TNFRSF19: variants seen among roughly 807,000 people sequenced by gnomAD.
TNFRSF19 encodes TNF receptor superfamily member 19.
A neutral mutation model predicts 46.4 loss-of-function variants in TNFRSF19; 27 were observed. That is an observed-to-expected ratio of 0.58 (90% CI 0.43 to 0.80). The LOEUF is 0.80. Among genes scored for constraint, TNFRSF19 ranks in the 30% least tolerant of loss-of-function variants. The pLI is 0.00. For synonymous variants in TNFRSF19, 204 were observed against 205.0 expected (o/e 1.00, Z 0.04); for missense variants, 511 against 530.8 (o/e 0.96, Z 0.37).
intron 4 of TNFRSF19, among the ~76,000 whole-genome samples, chr13:23,623,566 GCAGTATA>G (rs942656602): frequency 8.5e-5 from 13 of 152,172 alleles, no homozygotes; most frequent in Non-Finnish European, 1.6e-4. Flanking sequence ...TGTCCCGTCA[GCAGTATA>G]CAAGGGTTCC....
chr13:23,602,459 A>C (rs1003735388), intron 3 of TNFRSF19, among the ~76,000 whole-genome samples: 1 of 152,134 alleles, frequency 6.6e-6, no homozygotes, highest in Non-Finnish European at 1.5e-5. Flanking sequence ...CAGATTCAGC[A>C]GGCAGAAAGT....
At chr13:23,589,670 A>T (rs1327116529) in intron 1 of TNFRSF19, among the ~76,000 whole-genome samples, 1 of 152,242 alleles carries the variant, frequency 6.6e-6, no homozygotes, top group Non-Finnish European at 1.5e-5. Flanking sequence ...GGGAATAATG[A>T]TAGGATCTAC....
chr13:23,653,601 A>T (rs1043847778), intron 5 of TNFRSF19, among the ~76,000 whole-genome samples: 4 of 152,058 alleles, frequency 2.6e-5, no homozygotes, highest in Non-Finnish European at 5.9e-5. Context: ...AGCATTGTGG[A>T]CAGAGGCACT....
chr13:23,638,736 C>T (rs1566203650), intron 5 of TNFRSF19, among the ~76,000 whole-genome samples: 1 of 152,270 alleles, frequency 6.6e-6, no homozygotes, highest in African/African-American at 2.4e-5. Flanking sequence ...ATCCCTCTTA[C>T]TGCCTTAGTT....
intron 5 of TNFRSF19, among the ~76,000 whole-genome samples, chr13:23,630,566 A>G (rs1406307937): frequency 6.6e-6 from 1 of 152,144 alleles, no homozygotes; most frequent in Non-Finnish European, 1.5e-5. Context: ...CATGGAGCTC[A>G]GGGTTGATGA....
intron 5 of TNFRSF19, among the ~76,000 whole-genome samples, chr13:23,658,847 C>T (rs1055684267): frequency 6.6e-6 from 1 of 152,034 alleles, no homozygotes; most frequent in African/African-American, 2.4e-5. Flanking sequence ...AGAGGGACAC[C>T]CTGCACATTG....
intron 4 of TNFRSF19, among the ~76,000 whole-genome samples, chr13:23,617,479 G>T (rs904148383): frequency 2.0e-5 from 3 of 152,306 alleles, no homozygotes; most frequent in Non-Finnish European, 2.9e-5. Context: ...CAAGGGGGGT[G>T]ATCTGTAAGG....
At chr13:23,594,758 C>G (rs2138192659) in intron 3 of TNFRSF19, among the ~76,000 whole-genome samples, 1 of 152,354 alleles carries the variant, frequency 6.6e-6, no homozygotes, top group East Asian at 1.9e-4. Context: ...AGCACTCGAG[C>G]TCTGCTAAGG....
chr13:23,625,494 A>G (rs1566193999), intron 4 of TNFRSF19, among the ~76,000 whole-genome samples: 1 of 151,410 alleles, frequency 6.6e-6, no homozygotes, highest in African/African-American at 2.4e-5. Flanking sequence ...ACGCCCAGCT[A>G]TTTTTTTGTA....
chr13:23,654,235 G>A (rs1185214971), intron 5 of TNFRSF19, among the ~76,000 whole-genome samples: 1 of 152,196 alleles, frequency 6.6e-6, no homozygotes, highest in African/African-American at 2.4e-5. Flanking sequence ...AAGCAAGTAG[G>A]GAGTAGCAGT....
chr13:23,606,931 A>G (rs1448243032), intron 3 of TNFRSF19, among the ~76,000 whole-genome samples: 1 of 152,208 alleles, frequency 6.6e-6, no homozygotes, highest in Non-Finnish European at 1.5e-5. Context: ...TTGCAACAGC[A>G]TATGTCTTTC....
At position 23,590,261 on chromosome 13, in the gene TNFRSF19, A is replaced by T; in HGVS notation, c.69+9A>T. 6.5e-7 allele frequency: 1 copy of T among 1,549,720 alleles called. No homozygotes were observed. Among genetic ancestry groups the T allele is most frequent in the Non-Finnish European group, 8.8e-7 (1 of 1,137,690 alleles). ...TATTACTAGGCTATTTGGTAAGTAA[A>T]GTCCTTTTTTCTTTCATAAGAATGT... On this transcript the variant is annotated intron_variant, in intron 2 of 9. Transcript: ENST00000248484.
At chr13:23,591,713 TTTCTTTC>T (rs1327375410) in intron 2 of TNFRSF19, among the ~76,000 whole-genome samples, 3 of 67,172 alleles carry the variant, frequency 4.5e-5, no homozygotes, top group Non-Finnish European at 6.5e-5. Context: ...CCTTAAAAAT[TTTCTTTC>T]TTTCTTTCTT....
intron 2 of TNFRSF19, 46 bp from the exon 3 acceptor site, chr13:23,593,299 G>T: frequency 8.2e-7 from 1 of 1,215,188 alleles, no homozygotes; most frequent in Non-Finnish European, 1.2e-6. Flanking sequence ...AAAAAAAAAT[G>T]TTTAACATAC....
intron 1 of TNFRSF19, among the ~76,000 whole-genome samples, chr13:23,576,492 C>G (rs561078302): frequency 7.9e-5 from 12 of 152,122 alleles, no homozygotes; most frequent in African/African-American, 2.7e-4. Context: ...TTTGTTCAGA[C>G]ACTGTCTCCA....
chr13:23,588,966 A>G (rs918401342), intron 1 of TNFRSF19, among the ~76,000 whole-genome samples: 3 of 152,162 alleles, frequency 2.0e-5, no homozygotes, highest in African/African-American at 4.8e-5. Context: ...GGCACCCGTC[A>G]GCTCACCCCT....
chr13:23,636,671 C>T (rs1475570833), intron 5 of TNFRSF19, among the ~76,000 whole-genome samples: 1 of 152,158 alleles, frequency 6.6e-6, no homozygotes, highest in Non-Finnish European at 1.5e-5. Context: ...GGGGAGGAGG[C>T]AGAGACACCC....
At chr13:23,636,277 G>A (rs1330308635) in intron 5 of TNFRSF19, among the ~76,000 whole-genome samples, 1 of 152,118 alleles carries the variant, frequency 6.6e-6, no homozygotes, top group African/African-American at 2.4e-5. Context: ...TATTGCCAGG[G>A]GTCGTAGGAG....
At chr13:23,603,348 A>G (rs1880297542) in intron 3 of TNFRSF19, among the ~76,000 whole-genome samples, 1 of 152,052 alleles carries the variant, frequency 6.6e-6, no homozygotes, top group African/African-American at 2.4e-5. Flanking sequence ...AACCTTCCAA[A>G]ACAGAGAGCA....
Sources: allele counts gnomAD v4.1 joint callset (sites outside exome capture counted in the v4.1 genomes callset), GRCh38; gene constraint gnomAD v4.1.1; transcripts MANE v1.5; gene names NCBI Gene and HGNC (gene_info 2026-07-23, HGNC 2026-07-21).